The following CTTNBP2 variants were observed in gnomAD, a reference collection of about 807,000 sequenced individuals.
CTTNBP2 encodes the protein cortactin binding protein 2.
CTTNBP2 carries 108 observed loss-of-function variants against 156.9 expected under a neutral mutation model. The ratio of observed to expected loss-of-function variants is 0.69; its 90% CI spans 0.59 to 0.81. The LOEUF is 0.81. CTTNBP2 is among the 30% of genes least tolerant of loss of function. The pLI, the probability that CTTNBP2 is intolerant of heterozygous loss-of-function variation, is 0.00. For missense variants in CTTNBP2, 1,924 were observed against 2,035.4 expected (o/e 0.95, Z 1.05); for synonymous variants, 767 against 751.8 (o/e 1.02, Z -0.33).
chr7:117,784,887 T>C (rs1307302483), intron 4 of CTTNBP2, among the ~76,000 whole-genome samples: 1 of 152,206 alleles, frequency 6.6e-6, no homozygotes, highest in Non-Finnish European at 1.5e-5. Flanking sequence ...TTTTTAGGTA[T>C]AAGAGGAATA....
intron 8 of CTTNBP2, among the ~76,000 whole-genome samples, chr7:117,772,546 T>C (rs1797852871): frequency 1.3e-5 from 2 of 152,126 alleles, no homozygotes; most frequent in South Asian, 4.2e-4. Context: ...ACCCTATAAC[T>C]GTTTAAACTG....
chr7:117,793,766 T>G (rs1033118841), intron 3 of CTTNBP2, among the ~76,000 whole-genome samples: 1 of 152,232 alleles, frequency 6.6e-6, no homozygotes, highest in Non-Finnish European at 1.5e-5. Flanking sequence ...AGTGAAATCA[T>G]TTTTCTAACT....
Position 117,791,507 on chromosome 7 carries a change from G to C in CTTNBP2, c.1689C>G (p.Leu563=), listed in dbSNP as rs758132066. 5.0e-6 allele frequency: 8 copies of C among 1,614,244 alleles called. No individual in the cohort carries two copies. The highest frequency in any genetic ancestry group is 6.8e-6 in the Non-Finnish European group (8 of 1,180,038). The change falls in exon 4 of 23, where the codon CTC becomes CTG. Residue 563 remains leucine, a synonymous_variant. Transcript: ENST00000160373. ...CCCTGCTGCTGTCTATAATAACCTT[G>C]AGTTGGGGGTGTGGTGGAGAAGGAG... The part of the protein sequence containing the change: ...SQTPSPPHPQ[L]KVIIDSSRAS...
chr7:117,828,395 C>T (rs1321168842), intron 2 of CTTNBP2, among the ~76,000 whole-genome samples: 1 of 152,134 alleles, frequency 6.6e-6, no homozygotes, highest in Non-Finnish European at 1.5e-5. Flanking sequence ...TCCTGGCTAC[C>T]GTTAAGTCAG....
rs773903862 is a variant in CTTNBP2, at chr7:117,791,893, T to G, written c.1303A>C (p.Thr435Pro). ...GGGTTTAGACCTGGATGCAAAGAGG[T>G]GTTGGCACATGGTGAATGTAAACTG... is the stretch of plus-strand genomic sequence containing the variant. ...MHSLHSPCANTSLHPGLNPRI... is the reference protein window; with the variant it reads ...MHSLHSPCANPSLHPGLNPRI... Residue 435 changes from threonine (T) to proline (P), a missense_variant, in exon 4 of 23, where the codon ACC becomes CCC. By Grantham distance (38) the Thr-to-Pro change is conservative (BLOSUM62 -1). Coordinates refer to ENST00000160373, the MANE Select transcript of CTTNBP2 (RefSeq NM_033427.3). 5.6e-6 allele frequency: 9 copies of G among 1,613,922 alleles called. No individual in the cohort carries two copies. Among genetic ancestry groups the G allele is most frequent in the African/African-American group, 1.3e-5 (1 of 74,862 alleles).
Position 117,734,908 on chromosome 7 carries a change from G to T in CTTNBP2, c.3876+5C>A. The T allele has an allele frequency of 6.3e-7, 1 of 1,582,016 alleles. No individual in the cohort carries two copies. Among genetic ancestry groups the T allele is most frequent in the South Asian group, 1.1e-5 (1 of 87,652 alleles). Reference sequence around the variant, plus strand: ...TGGCAACAGGCTGCACTTGCTGTTTGTTACCTTATTCACAACTTTCCTTCG... The same window carrying T: ...TGGCAACAGGCTGCACTTGCTGTTTTTTACCTTATTCACAACTTTCCTTCG... On this transcript the variant is annotated splice_donor_5th_base_variant and intron_variant, in intron 16 of 22. Transcript: ENST00000160373.
At chr7:117,811,075 C>A in intron 2 of CTTNBP2, 86 bp from the exon 3 acceptor site, 1 of 972,616 alleles carries the variant, frequency 1.0e-6, no homozygotes, top group Admixed American at 2.2e-5. Context: ...GATTATACTT[C>A]CAAATGGTAT....
chr7:117,861,387 G>A, intron 1 of CTTNBP2, 71 bp from the exon 2 acceptor site: 1 of 1,061,966 alleles, frequency 9.4e-7, no homozygotes, highest in African/African-American at 1.6e-5. Flanking sequence ...CTAAGGGTAT[G>A]CAATGAATCA....
chr7:117,749,257 C>G (rs34298238), intron 12 of CTTNBP2, among the ~76,000 whole-genome samples: 30,209 of 152,106 alleles, frequency 0.2, 6,643 homozygotes, highest in African/African-American at 0.55. Context: ...TTGCAGGAAA[C>G]CAGGATGTGT....
chr7:117,824,483 T>A (rs1363797678), intron 2 of CTTNBP2, among the ~76,000 whole-genome samples: 1 of 152,242 alleles, frequency 6.6e-6, no homozygotes, highest in Admixed American at 6.5e-5. Context: ...ACTGATTCAA[T>A]TTTTTAACAG....
rs1796899063 is a variant in CTTNBP2 at position 117,756,629 on chromosome 7, GAGGACCTGTAGGAA to G, written c.3269-9_3273del. On this transcript the variant is annotated splice_acceptor_variant and splice_polypyrimidine_tract_variant and coding_sequence_variant and intron_variant, in exon 12 of 23. Coordinates refer to ENST00000160373, the MANE Select transcript of CTTNBP2 (RefSeq NM_033427.3). LOFTEE classifies it high-confidence loss of function. ...GTCACACTACTGAGACAGCCTTCTT[GAGGACCTGTAGGAA>G]AGGACAGACGAAGAAAAATGGGTGT... The G allele has an allele frequency of 1.2e-6, 2 of 1,611,360 alleles. No individual in the cohort carries two copies. Among genetic ancestry groups the G allele is most frequent in the East Asian group, 4.5e-5 (2 of 44,868 alleles).
At chr7:117,868,018 C>T (rs1317850309) in intron 1 of CTTNBP2, among the ~76,000 whole-genome samples, 2 of 152,162 alleles carry the variant, frequency 1.3e-5, no homozygotes, top group Non-Finnish European at 2.9e-5. Context: ...TTAAGCTCAG[C>T]TACCTCCCTT....
chr7:117,871,066 C>T (rs549828899), intron 1 of CTTNBP2, among the ~76,000 whole-genome samples: 5 of 152,282 alleles, frequency 3.3e-5, no homozygotes, highest in African/African-American at 1.2e-4. Flanking sequence ...CAAATGTATA[C>T]ATAAAAATGC....
chr7:117,728,260 C>T lies in CTTNBP2; in HGVS notation c.3884G>A (p.Gly1295Asp), dbSNP rs1481363036. ...LRRKVVNKFKGQAPSPCDPVC... is the reference protein window; with the variant it reads ...LRRKVVNKFKDQAPSPCDPVC... The stretch of plus-strand genomic sequence containing the variant: ...AGGATCGCAGGGGGAGGGCGCCTGA[C>T]CTTTGAACTAGAGAGACAGGGAGGT... Residue 1295 changes from glycine (G) to aspartate (D), a missense_variant, in exon 17 of 23, where the codon GGT becomes GAT. Transcript: ENST00000160373. 1.9e-6 allele frequency: 3 copies of T among 1,612,194 alleles called. No individual in the cohort carries two copies. The highest frequency in any genetic ancestry group is 2.5e-6 in the Non-Finnish European group (3 of 1,179,050).
At chr7:117,804,135 G>T (rs1346887631) in intron 3 of CTTNBP2, among the ~76,000 whole-genome samples, 1 of 151,998 alleles carries the variant, frequency 6.6e-6, no homozygotes, top group Non-Finnish European at 1.5e-5. Flanking sequence ...GCTAATTTTT[G>T]TATTTTTAGT....
At chr7:117,766,789 G>T (rs1797508395) in intron 9 of CTTNBP2, among the ~76,000 whole-genome samples, 1 of 152,106 alleles carries the variant, frequency 6.6e-6, no homozygotes, top group African/African-American at 2.4e-5. Flanking sequence ...TAAGTCAGAA[G>T]AAAAATGCAA....
chr7:117,735,960 C>T (rs867917600), intron 14 of CTTNBP2, among the ~76,000 whole-genome samples: 2 of 152,070 alleles, frequency 1.3e-5, no homozygotes, highest in South Asian at 2.1e-4. Flanking sequence ...ATAAGGGGGA[C>T]GGACCACACA....
At chr7:117,755,122 C>T (rs1172027025) in intron 12 of CTTNBP2, among the ~76,000 whole-genome samples, 1 of 152,202 alleles carries the variant, frequency 6.6e-6, no homozygotes, top group Non-Finnish European at 1.5e-5. Flanking sequence ...CTTCCCATCA[C>T]AGGCATACTT....
In CTTNBP2 at chr7:117,792,721, G is replaced by T; in HGVS notation, c.475C>A (p.Arg159Ser). Reference protein sequence around the residue: ...LEQEHKKLAARLEEERGKNKQ... With the variant: ...LEQEHKKLAASLEEERGKNKQ... ...TTCTTGCCACGCTCTTCCTCAAGGC[G>T]GGCAGCCAGCTTCTTGTGCTCTTGC... The change falls in exon 4 of 23, where the codon CGC becomes AGC. Residue 159 changes from arginine to serine, a missense_variant. Arg to Ser is a moderately radical substitution (Grantham distance 110, BLOSUM62 -1). Transcript: ENST00000160373. The surrounding 1 kb of genome is among the most constrained non-coding windows in gnomAD (Gnocchi z 4.2). 1 of 1,608,714 alleles carries T rather than the reference G, an allele frequency of 6.2e-7. No homozygotes were observed. Among genetic ancestry groups the T allele is most frequent in the Non-Finnish European group, 8.5e-7 (1 of 1,177,328 alleles).
Sources: gnomAD v4.1 joint callset for allele counts (sites outside exome capture counted in the v4.1 genomes callset) on GRCh38, gnomAD v4.1.1 for gene constraint, Gnocchi (gnomAD v3.1) non-coding constraint, MANE v1.5 for transcripts, NCBI Gene and HGNC (gene_info 2026-07-23, HGNC 2026-07-21) for gene names.